Variants in STK39 observed in about 807,000 individuals in gnomAD.
STK39 encodes serine/threonine kinase 39, also known as STE20/SPS1-related proline-alanine-rich protein kinase.
Under a neutral mutation model 77.8 loss-of-function variants are expected in STK39, and 20 were observed. That is an observed-to-expected ratio of 0.26 (90% CI 0.18 to 0.37). STK39 has a LOEUF of 0.37. Ranked by LOEUF, STK39 falls within the 10% of genes least tolerant of loss-of-function variation. The probability of loss-of-function intolerance (pLI) is 1.00; values close to 1 mark genes in which losing one functional copy is unlikely to be tolerated. For synonymous variants in STK39, 246 were observed against 234.1 expected (o/e 1.05, Z -0.47); for missense variants, 479 against 656.5 (o/e 0.73, Z 2.95).
At chr2:167,971,225 C>A (rs1044123979) in intron 16 of STK39, among the ~76,000 whole-genome samples, 1 of 152,230 alleles carries the variant, frequency 6.6e-6, no homozygotes, top group East Asian at 1.9e-4. Context: ...TTTCTTTGAG[C>A]AAATTTCTGA....
rs13394192 is a variant in STK39, at chr2:167,976,506, C to G, written c.1499-11780G>C. On this transcript the variant is annotated intron_variant, in intron 16 of 17. Transcript: ENST00000355999. The stretch of plus-strand genomic sequence containing the variant: ...CACCAGGCTAGGGGGAGAAGAGGAG[C>G]CTGAATTCTGGTAAGGTGCAGAAAT... 3.0e-3 allele frequency among the ~76,000 whole-genome samples: 462 copies of G among 152,252 alleles called. 3 individuals carry two copies. The highest frequency in any genetic ancestry group is 0.01 in the African/African-American group (419 of 41,538).
At chr2:167,985,593 C>T (rs10188180) in intron 16 of STK39, among the ~76,000 whole-genome samples, 84,180 of 152,010 alleles carry the variant, frequency 0.55, 24,568 homozygotes, top group African/African-American at 0.67. Flanking sequence ...TACAGCTTCA[C>T]TACCTGGCAG....
intron 1 of STK39, among the ~76,000 whole-genome samples, chr2:168,240,571 G>A (rs921502814): frequency 6.6e-6 from 1 of 152,230 alleles, no homozygotes; most frequent in African/African-American, 2.4e-5. Flanking sequence ...GATGGACAAA[G>A]ACAGGAAAGT....
At chr2:168,145,337 T>G (rs1433184450) in intron 5 of STK39, among the ~76,000 whole-genome samples, 1 of 152,082 alleles carries the variant, frequency 6.6e-6, no homozygotes, top group Non-Finnish European at 1.5e-5. Flanking sequence ...CAAGGGCCCT[T>G]GATGCTCAGT....
At chr2:168,220,265 T>G (rs1690134000) in intron 1 of STK39, among the ~76,000 whole-genome samples, 1 of 152,032 alleles carries the variant, frequency 6.6e-6, no homozygotes, top group Non-Finnish European at 1.5e-5. Context: ...CCAACAAAGC[T>G]GAGAACTTCT....
chr2:167,984,390 A>G (rs1358695787), intron 16 of STK39, among the ~76,000 whole-genome samples: 1 of 152,158 alleles, frequency 6.6e-6, no homozygotes, highest in Non-Finnish European at 1.5e-5. Context: ...TAAATGAGGA[A>G]TGGGAGCTTG....
chr2:168,234,447 G>A (rs1053023310), intron 1 of STK39, among the ~76,000 whole-genome samples: 1 of 152,150 alleles, frequency 6.6e-6, no homozygotes, highest in Non-Finnish European at 1.5e-5. Flanking sequence ...CCTTTCTTCT[G>A]GGAACACTGC....
intron 12 of STK39, among the ~76,000 whole-genome samples, chr2:168,065,885 A>G (rs1685780110): frequency 6.6e-6 from 1 of 152,180 alleles, no homozygotes; most frequent in Non-Finnish European, 1.5e-5. Flanking sequence ...TTTTTAAAAG[A>G]TATTAATGCT....
intron 10 of STK39, among the ~76,000 whole-genome samples, chr2:168,121,804 G>A (rs926087773): frequency 6.6e-6 from 1 of 152,118 alleles, no homozygotes; most frequent in African/African-American, 2.4e-5. Flanking sequence ...TGTCAAACAC[G>A]GCACCAGACA....
At chr2:168,030,880 C>T (rs941162867) in intron 14 of STK39, among the ~76,000 whole-genome samples, 8 of 152,160 alleles carry the variant, frequency 5.3e-5, no homozygotes, top group Non-Finnish European at 1.0e-4. Context: ...TAGGCATTTG[C>T]TAGGTTGTTA....
intron 5 of STK39, among the ~76,000 whole-genome samples, chr2:168,160,293 G>T (rs1450735817): frequency 6.6e-6 from 1 of 152,128 alleles, no homozygotes; most frequent in Non-Finnish European, 1.5e-5. Context: ...AAGATTAATG[G>T]CAAGTTAGCT....
intron 14 of STK39, among the ~76,000 whole-genome samples, chr2:168,036,491 T>A (rs1042144031): frequency 1.3e-5 from 2 of 152,210 alleles, no homozygotes; most frequent in African/African-American, 4.8e-5. Flanking sequence ...GTTCAACCGC[T>A]CTTGTAAGCT....
intron 16 of STK39, among the ~76,000 whole-genome samples, chr2:168,009,505 G>A (rs1328901776): frequency 6.6e-6 from 1 of 152,122 alleles, no homozygotes; most frequent in African/African-American, 2.4e-5. Flanking sequence ...GTCAACATTG[G>A]GGAGTCAACA....
intron 1 of STK39, among the ~76,000 whole-genome samples, chr2:168,204,292 G>C (rs1327121688): frequency 6.6e-6 from 1 of 152,208 alleles, no homozygotes; most frequent in Admixed American, 6.5e-5. Flanking sequence ...GGAGGTGGTA[G>C]AGAGATACAA....
intron 11 of STK39, 34 bp downstream of exon 11, chr2:168,075,075 C>T (rs1686043526): frequency 6.2e-7 from 1 of 1,614,068 alleles, no homozygotes; most frequent in Non-Finnish European, 8.5e-7. Flanking sequence ...ATAAAATTTA[C>T]ACAGATTAGC....
chr2:168,232,880 C>G (rs6728524), intron 1 of STK39, among the ~76,000 whole-genome samples: 1 of 151,518 alleles, frequency 6.6e-6, no homozygotes, highest in Non-Finnish European at 1.5e-5. Context: ...CCATTGCACT[C>G]CAGCCTGGGC....
intron 16 of STK39, among the ~76,000 whole-genome samples, chr2:168,012,323 C>T (rs1473405532): frequency 2.0e-5 from 3 of 151,952 alleles, no homozygotes; most frequent in Non-Finnish European, 2.9e-5. Context: ...CGGGCGTACA[C>T]CACCCATGCC....
intron 1 of STK39, among the ~76,000 whole-genome samples, chr2:168,234,711 T>G (rs1447271148): frequency 6.6e-6 from 1 of 152,242 alleles, no homozygotes; most frequent in Non-Finnish European, 1.5e-5. Flanking sequence ...TATTTACATA[T>G]AACCTGGTTA....
At chr2:168,052,187 G>A (rs1685416676) in intron 14 of STK39, among the ~76,000 whole-genome samples, 1 of 152,154 alleles carries the variant, frequency 6.6e-6, no homozygotes, top group Non-Finnish European at 1.5e-5. Context: ...GCTCGCGCAA[G>A]GCCCTTGTTT....
Sources: allele counts gnomAD v4.1 joint callset (sites outside exome capture counted in the v4.1 genomes callset), GRCh38; gene constraint gnomAD v4.1.1; transcripts MANE v1.5; gene names NCBI Gene and HGNC (gene_info 2026-07-23, HGNC 2026-07-21).